The following GOLGA1 variants were observed in gnomAD, a reference collection of about 807,000 sequenced individuals.
The protein encoded by GOLGA1 is golgin A1, also known as golgin subfamily A member 1.
Under a neutral mutation model 119.7 loss-of-function variants are expected in GOLGA1, and 63 were observed. The ratio of observed to expected loss-of-function variants is 0.53; its 90% CI spans 0.43 to 0.65. The LOEUF (loss-of-function observed/expected upper bound fraction) is 0.65, where lower values mean the gene tolerates loss of function less well. GOLGA1 is among the 30% of genes least tolerant of loss of function. GOLGA1 has a pLI of 0.00. For missense variants in GOLGA1, 798 were observed against 912.8 expected (o/e 0.87, Z 1.62); for synonymous variants, 318 against 333.4 (o/e 0.95, Z 0.50).
intron 10 of GOLGA1, among the ~76,000 whole-genome samples, chr9:124,914,574 T>A (rs1830404616): frequency 6.6e-6 from 1 of 152,152 alleles, no homozygotes; most frequent in African/African-American, 2.4e-5. Flanking sequence ...ATTTCAACTC[T>A]AAAGTGACAA....
At chr9:124,899,298 T>C in intron 14 of GOLGA1, 31 bp downstream of exon 14, 2 of 1,522,486 alleles carry the variant, frequency 1.3e-6, no homozygotes, top group Admixed American at 2.0e-5. Context: ...CTGGTGCTCC[T>C]GGGCCCACCC....
intron 4 of GOLGA1, among the ~76,000 whole-genome samples, chr9:124,929,505 A>G (rs1249778335): frequency 6.6e-6 from 1 of 152,114 alleles, no homozygotes; most frequent in African/African-American, 2.4e-5. Context: ...TGGTGAGTAC[A>G]AAAAGGCAAG....
intron 7 of GOLGA1, among the ~76,000 whole-genome samples, chr9:124,924,654 A>G (rs929223555): frequency 2.1e-4 from 31 of 149,288 alleles, no homozygotes; most frequent in African/African-American, 7.4e-4. Context: ...AAAAAAAAGA[A>G]AAAAAGAAAA....
chr9:124,938,486 A>T, intron 3 of GOLGA1, 91 bp downstream of exon 3: 1 of 1,074,476 alleles, frequency 9.3e-7, no homozygotes, highest in Non-Finnish European at 1.4e-6. Flanking sequence ...GCTATAAACC[A>T]TGAAAGGTAT....
In GOLGA1 at chr9:124,946,524, C is replaced by T. The variant is rs1831147139; in HGVS notation, c.-156+1394G>A. 6.6e-6 allele frequency: 1 copy of T among 152,162 alleles called. No individual in the cohort carries two copies. Among genetic ancestry groups the T allele is most frequent in the African/African-American group, 2.4e-5 (1 of 41,432 alleles). The allele number at this position is 152,162 out of a possible 1,614,324, so 9.4% of individuals were successfully genotyped here. On this transcript the variant is annotated intron_variant, in intron 1 of 4. Transcript: ENST00000421514. This position sits in a 1 kb window ranked among gnomAD's most constrained non-coding sequence, Gnocchi z 4.0. ...TTTTATCATGCAAAAATAACCTCTACTTAATTTCTGCAGTGAATGTATTTA... is the reference window on the plus strand; with the variant it reads ...TTTTATCATGCAAAAATAACCTCTATTTAATTTCTGCAGTGAATGTATTTA...
Position 124,899,483 on chromosome 9 carries a change from G to C in GOLGA1, c.1162-5C>G. 1.9e-6 allele frequency: 3 copies of C among 1,543,898 alleles called. No homozygotes were observed. Among genetic ancestry groups the C allele is most frequent in the East Asian group, 2.4e-5 (1 of 41,306 alleles). ...GCTCTCCTGGTTGGCGGCAGCCTGC[G>C]GGGAGACCAAAGGACGGTCAGTCAG... is the stretch of plus-strand genomic sequence containing the variant. On this transcript the variant is annotated splice_polypyrimidine_tract_variant and splice_region_variant and intron_variant, in intron 13 of 22. Transcript: ENST00000373555.
chr9:124,916,187 A>G (rs1050198231), intron 10 of GOLGA1, among the ~76,000 whole-genome samples: 1 of 151,684 alleles, frequency 6.6e-6, no homozygotes, highest in African/African-American at 2.4e-5. Context: ...CCATGAAAAT[A>G]TTGTGTTAAG....
chr9:124,919,377 C>A (rs1352392270), intron 10 of GOLGA1, among the ~76,000 whole-genome samples: 2 of 152,070 alleles, frequency 1.3e-5, no homozygotes, highest in Non-Finnish European at 2.9e-5. Context: ...AACTGTAAGC[C>A]TCTGAAGGAA....
chr9:124,941,456 G>A (rs1831020762), upstream of GOLGA1, among the ~76,000 whole-genome samples: 1 of 152,192 alleles, frequency 6.6e-6, no homozygotes, highest in Non-Finnish European at 1.5e-5. Context: ...GCACTGCTTG[G>A]CCAGGCGCCC....
At chr9:124,913,221 C>T (rs926841057) in intron 10 of GOLGA1, among the ~76,000 whole-genome samples, 1 of 152,138 alleles carries the variant, frequency 6.6e-6, no homozygotes, top group Non-Finnish European at 1.5e-5. Flanking sequence ...CGATCACCTC[C>T]CACCAGGTCC....
At chr9:124,906,115 A>AT (rs1322224098) in intron 12 of GOLGA1, among the ~76,000 whole-genome samples, 2 of 84,236 alleles carry the variant, frequency 2.4e-5, no homozygotes, top group Non-Finnish European at 2.3e-5. Flanking sequence ...TGTGTCTCCA[A>AT]AAAATAAATA....
chr9:124,900,966 C>G (rs1009766765), intron 12 of GOLGA1, among the ~76,000 whole-genome samples: 1 of 150,500 alleles, frequency 6.6e-6, no homozygotes, highest in Non-Finnish European at 1.5e-5. Context: ...CATCTTCACA[C>G]AGTATTTTTT....
intron 3 of GOLGA1, among the ~76,000 whole-genome samples, chr9:124,935,162 A>G (rs1445120622): frequency 6.6e-6 from 1 of 152,218 alleles, no homozygotes; most frequent in African/African-American, 2.4e-5. Flanking sequence ...TCTCTTGCCC[A>G]AACAGTTTAG....
intron 18 of GOLGA1, 101 bp downstream of exon 18, chr9:124,889,042 T>C (rs1158454880): frequency 5.6e-6 from 5 of 889,370 alleles, no homozygotes; most frequent in Non-Finnish European, 8.6e-6. Flanking sequence ...CAGGGGAGCG[T>C]CGTGTCCACC....
chr9:124,938,783 C>A lies in GOLGA1; in HGVS notation c.-72G>T. The A allele has an allele frequency of 7.4e-7, 1 of 1,351,300 alleles. No homozygotes were observed. The highest frequency in any genetic ancestry group is 2.5e-5 in the East Asian group (1 of 40,666). 83.7% of individuals were successfully genotyped at this position (1,351,300 alleles called of 1,614,324 possible). A position where few individuals can be genotyped will look rare whatever the true frequency, so the allele number is the denominator to read the frequency against. ...CTGGTGCCTGTGTTCAGGATTCAGA[C>A]AGAGGCGCCTACAAAGTTTCAGACA... is the stretch of plus-strand genomic sequence containing the variant. On this transcript the variant is annotated 5_prime_UTR_variant, in exon 3 of 23. Coordinates refer to ENST00000373555, the MANE Select transcript of GOLGA1 (RefSeq NM_002077.4).
Position 124,931,396 on chromosome 9 carries a change from C to G in GOLGA1, c.146G>C (p.Gly49Ala). The change falls in exon 4 of 23, where the codon GGA becomes GCA. Residue 49 changes from glycine (G) to alanine (A), a missense_variant. By Grantham distance (60) the Gly-to-Ala change is moderately conservative (BLOSUM62 0). Coordinates refer to ENST00000373555, the MANE Select transcript of GOLGA1 (RefSeq NM_002077.4). ...ADSGDDFASD[G>A]SSSREDLSSQ... is the part of the protein sequence containing the mutation. ...TGAAAGATCTTCTCTGGAGCTGCTT[C>G]CATCGGAAGCCTGTTGAGGTAGACA... 1.3e-6 allele frequency: 2 copies of G among 1,559,240 alleles called. No homozygotes were observed. Among genetic ancestry groups the G allele is most frequent in the Non-Finnish European group, 1.8e-6 (2 of 1,129,994 alleles).
At chr9:124,889,574 C>T (rs746623636) in intron 16 of GOLGA1, 38 bp from the exon 17 acceptor site, 2 of 1,274,730 alleles carry the variant, frequency 1.6e-6, no homozygotes, top group Non-Finnish European at 2.3e-6. Flanking sequence ...AGGTTGTGAG[C>T]AGTGACTCCA....
At chr9:124,882,193 C>G (rs911697189) in intron 20 of GOLGA1, among the ~76,000 whole-genome samples, 1 of 152,164 alleles carries the variant, frequency 6.6e-6, no homozygotes, top group Non-Finnish European at 1.5e-5. Flanking sequence ...GCTCGCATCC[C>G]GCATCAGGCC....
At chr9:124,931,487 T>C in intron 3 of GOLGA1, 81 bp from the exon 4 acceptor site, 1 of 767,532 alleles carries the variant, frequency 1.3e-6, no homozygotes, top group Non-Finnish European at 2.4e-6. Context: ...CAAGTCTTAT[T>C]TTAGGTTTGG....
Sources: allele counts gnomAD v4.1 joint callset (sites outside exome capture counted in the v4.1 genomes callset), GRCh38; gene constraint gnomAD v4.1.1; non-coding constraint Gnocchi (gnomAD v3.1); transcripts MANE v1.5; gene names NCBI Gene and HGNC (gene_info 2026-07-23, HGNC 2026-07-21).